MLXIP: variants seen among roughly 807,000 people sequenced by gnomAD.
MLXIP encodes the protein MLX-interacting protein.
MLXIP carries 30 observed loss-of-function variants against 87.2 expected under a neutral mutation model. That is an observed-to-expected ratio of 0.34 (90% CI 0.26 to 0.47). The LOEUF is 0.47. Among genes scored for constraint, MLXIP ranks in the 20% least tolerant of loss-of-function variants. MLXIP has a pLI of 1.00. For synonymous variants in MLXIP, 530 were observed against 514.0 expected, an observed-to-expected ratio of 1.03 and a Z score of -0.42; for missense variants, 1,002 against 1,240.1, an observed-to-expected ratio of 0.81 and a Z score of 2.88.
intron 1 of MLXIP, among the ~76,000 whole-genome samples, chr12:122,091,256 C>T (rs1292117534): frequency 6.6e-6 from 1 of 152,134 alleles, no homozygotes; most frequent in Non-Finnish European, 1.5e-5. Flanking sequence ...TTCCATGATT[C>T]TTTATCTTTA....
In MLXIP at chr12:122,129,580, G is replaced by T. The variant is rs534219510; in HGVS notation, c.697-8G>T. 1 of 1,613,444 alleles carries T rather than the reference G, an allele frequency of 6.2e-7. No individual in the cohort carries two copies. The highest frequency in any genetic ancestry group is 1.1e-5 in the South Asian group (1 of 90,962). On this transcript the variant is annotated splice_region_variant and splice_polypyrimidine_tract_variant and intron_variant, in intron 4 of 16. Coordinates refer to ENST00000319080, the MANE Select transcript of MLXIP (RefSeq NM_014938.6). Reference sequence around the variant, plus strand: ...GGTGACCGCCGTGTCCTGTCCCTTTGCCCACAGCTACAGCAGCACAAGGAT... The same window carrying T: ...GGTGACCGCCGTGTCCTGTCCCTTTTCCCACAGCTACAGCAGCACAAGGAT...
chr12:122,140,489 T>G (rs1953178582), intron 15 of MLXIP, among the ~76,000 whole-genome samples: 1 of 152,076 alleles, frequency 6.6e-6, no homozygotes, highest in Admixed American at 6.6e-5. Context: ...AGATGGGGTT[T>G]CACCATGTTG....
chr12:122,141,228 C>A lies in MLXIP; in HGVS notation c.2638+145C>A, dbSNP rs938938901. On this transcript the variant is annotated intron_variant, in intron 16 of 16. Transcript: ENST00000319080. ...GGCACAGTGCTGTCCAGGAGGTCCT[C>A]AGTCAGGAGCGCCCAGTGGGGGCAG... 3 of 1,194,260 alleles carry A rather than the reference C, an allele frequency of 2.5e-6. No individual in the cohort carries two copies. In the East Asian group the frequency reaches 7.8e-5, roughly 31 times the overall value. The allele number at this position is 1,194,260 out of a possible 1,614,324, so 74.0% of individuals were successfully genotyped here. A position where few individuals can be genotyped will look rare whatever the true frequency, so the allele number is the denominator to read the frequency against.
In MLXIP at chr12:122,145,214, G is replaced by A. The variant is rs1404955566; in HGVS notation, c.*3402G>A. ...TGGTGCTGATGACAGCATTGGGTCTGGTTGAGGGGAAGGGGCTGGAAAGCA... is the reference window on the plus strand; with the variant it reads ...TGGTGCTGATGACAGCATTGGGTCTAGTTGAGGGGAAGGGGCTGGAAAGCA... On this transcript the variant is annotated 3_prime_UTR_variant, in exon 17 of 17. Transcript: ENST00000319080. 3.3e-5 allele frequency: 5 copies of A among 152,322 alleles called. No homozygotes were observed. The highest frequency in any genetic ancestry group is 1.2e-4 in the African/African-American group (5 of 41,464). 9.4% of individuals were successfully genotyped at this position (152,322 alleles called of 1,614,324 possible).
At chr12:122,119,803 T>A (rs1206390856) in intron 1 of MLXIP, among the ~76,000 whole-genome samples, 1 of 152,262 alleles carries the variant, frequency 6.6e-6, no homozygotes, top group Non-Finnish European at 1.5e-5. Flanking sequence ...TTTGTGCCCA[T>A]GTGAGGTGGA....
At chr12:122,106,019 G>C (rs1448170017) in intron 1 of MLXIP, among the ~76,000 whole-genome samples, 2 of 152,138 alleles carry the variant, frequency 1.3e-5, no homozygotes, top group Non-Finnish European at 2.9e-5. Context: ...TCAAGGATTT[G>C]CCTGTTGCCC....
Position 122,127,373 on chromosome 12 carries a change from C to T in MLXIP, c.520+11C>T. On this transcript the variant is annotated intron_variant, in intron 2 of 16. Transcript: ENST00000319080. ...CCTGGTACATGCAGTGTAAGTGCCGCCCAGCCTGGGCGCCGGTGGTGGTCA... is the reference window on the plus strand; with the variant it reads ...CCTGGTACATGCAGTGTAAGTGCCGTCCAGCCTGGGCGCCGGTGGTGGTCA... The T allele has an allele frequency of 6.3e-7, 1 of 1,591,266 alleles. No homozygotes were observed. Among genetic ancestry groups the T allele is most frequent in the Non-Finnish European group, 8.6e-7 (1 of 1,166,122 alleles).
chr12:122,140,943 A>G lies in MLXIP; in HGVS notation c.2509-11A>G, dbSNP rs1953189810. 4 of 1,613,882 alleles carry G rather than the reference A, an allele frequency of 2.5e-6. No individual in the cohort carries two copies. The highest frequency in any genetic ancestry group is 2.5e-6 in the Non-Finnish European group (3 of 1,179,868). On this transcript the variant is annotated splice_polypyrimidine_tract_variant and intron_variant, in intron 15 of 16. Transcript: ENST00000319080. ...CTCCGTGCTTGCCTTTTCTTTAACC[A>G]CACACTGCAGTTCAGCATCATCATC... is the stretch of plus-strand genomic sequence containing the variant.
chr12:122,088,794 A>G (rs1385890941), intron 1 of MLXIP, among the ~76,000 whole-genome samples: 1 of 152,094 alleles, frequency 6.6e-6, no homozygotes, highest in Non-Finnish European at 1.5e-5. Context: ...CGGTCACCAA[A>G]ACAAAAAAAC....
intron 1 of MLXIP, among the ~76,000 whole-genome samples, chr12:122,111,678 G>A (rs1280834432): frequency 2.6e-5 from 4 of 152,254 alleles, no homozygotes; most frequent in Middle Eastern, 3.4e-3. Flanking sequence ...GTATAACTGC[G>A]TGATTTGGTT....
Position 122,079,280 on chromosome 12 carries a change from C to G in MLXIP, c.413+14C>G. On this transcript the variant is annotated intron_variant, in intron 1 of 16. Coordinates refer to ENST00000319080, the MANE Select transcript of MLXIP (RefSeq NM_014938.6). Reference sequence around the variant, plus strand: ...TTTGGCCTACAGGTAGGGACCCCCGCGACCCCCTGAGGCCCCGGCCGGAGG... The same window carrying G: ...TTTGGCCTACAGGTAGGGACCCCCGGGACCCCCTGAGGCCCCGGCCGGAGG... 1 of 1,546,832 alleles carries G rather than the reference C, an allele frequency of 6.5e-7. No individual in the cohort carries two copies. The highest frequency in any genetic ancestry group is 1.2e-5 in the South Asian group (1 of 83,636).
chr12:122,103,690 TTGTA>T (rs1565965942), intron 1 of MLXIP, among the ~76,000 whole-genome samples: 1 of 141,960 alleles, frequency 7.0e-6, no homozygotes. Flanking sequence ...TGGCTAATTT[TTGTA>T]TTTTTTTTTT....
chr12:122,102,413 G>C lies in MLXIP; in HGVS notation c.413+23147G>C, dbSNP rs544651949. Reference sequence around the variant, plus strand: ...AGGCTACTTCACAGCATTAGCCTGTGGAAAGTGTGGGAGAGCATCGAGATC... The same window carrying C: ...AGGCTACTTCACAGCATTAGCCTGTCGAAAGTGTGGGAGAGCATCGAGATC... On this transcript the variant is annotated intron_variant, in intron 1 of 16. Transcript: ENST00000319080. Among the ~76,000 whole-genome samples the C allele has an allele frequency of 4.8e-3, 728 of 152,266 alleles. 6 individuals are homozygous for C. Among genetic ancestry groups the C allele is most frequent in the African/African-American group, 0.016 (682 of 41,548 alleles).
chr12:122,107,402 C>T (rs755067230), intron 1 of MLXIP, among the ~76,000 whole-genome samples: 2 of 152,182 alleles, frequency 1.3e-5, no homozygotes, highest in Non-Finnish European at 2.9e-5. Flanking sequence ...CCCCCACAGT[C>T]GTTCCCCCTC....
At chr12:122,087,016 G>T (rs984278350) in intron 1 of MLXIP, among the ~76,000 whole-genome samples, 6 of 152,154 alleles carry the variant, frequency 3.9e-5, no homozygotes, top group African/African-American at 1.4e-4. Flanking sequence ...GCCTGCCAGG[G>T]CCTGTGTCTC....
chr12:122,122,994 T>C (rs1180497869), intron 1 of MLXIP, among the ~76,000 whole-genome samples: 3 of 152,020 alleles, frequency 2.0e-5, no homozygotes, highest in African/African-American at 4.8e-5. Context: ...ACCTGGCCCA[T>C]TGTGGGACTT....
intron 1 of MLXIP, among the ~76,000 whole-genome samples, chr12:122,112,610 G>A (rs1019498289): frequency 1.3e-5 from 2 of 150,956 alleles, no homozygotes; most frequent in African/African-American, 4.9e-5. Context: ...TCGTGCCACT[G>A]CACTCCAGCC....
chr12:122,093,991 C>A (rs1222625777), intron 1 of MLXIP, among the ~76,000 whole-genome samples: 1 of 111,798 alleles, frequency 8.9e-6, no homozygotes, highest in Non-Finnish European at 1.8e-5. Flanking sequence ...TGTGTGTTTG[C>A]GGTGTCTGGT....
intron 1 of MLXIP, among the ~76,000 whole-genome samples, chr12:122,120,755 C>G (rs2135957272): frequency 6.6e-6 from 1 of 152,244 alleles, no homozygotes; most frequent in East Asian, 1.9e-4. Flanking sequence ...GGAACGACCC[C>G]AGCCCAGGTT....
Sources: gnomAD v4.1 joint callset for allele counts (sites outside exome capture counted in the v4.1 genomes callset) on GRCh38, gnomAD v4.1.1 for gene constraint, MANE v1.5 for transcripts, NCBI Gene and HGNC (gene_info 2026-07-23, HGNC 2026-07-21) for gene names.